Variants in SAMD12 observed in about 807,000 individuals in gnomAD.
SAMD12 encodes the protein sterile alpha motif domain containing 12, also known as sterile alpha motif domain-containing protein 12.
A neutral mutation model predicts 15.0 loss-of-function variants in SAMD12; 9 were observed. The ratio of observed to expected loss-of-function variants is 0.60; its 90% confidence interval spans 0.36 to 1.05. The LOEUF is 1.05. Ranked by LOEUF, SAMD12 falls within the 50% of genes least tolerant of loss-of-function variation. The probability of loss-of-function intolerance (pLI) is 0.01; values close to 1 mark genes in which losing one functional copy is unlikely to be tolerated. For missense variants in SAMD12, 230 were observed against 234.2 expected (o/e 0.98, Z 0.12); for synonymous variants, 86 against 90.1 (o/e 0.96, Z 0.25).
In SAMD12 at chr8:118,559,749, G is replaced by T. The variant is rs192059118; in HGVS notation, c.192+20966C>A. Among the ~76,000 whole-genome samples, 597 of 152,214 alleles carry T rather than the reference G, an allele frequency of 3.9e-3. 3 individuals carry two copies. The highest frequency in any genetic ancestry group is 6.8e-3 in the Middle Eastern group (2 of 294). On this transcript the variant is annotated intron_variant, in intron 2 of 3. Transcript: ENST00000314727. Reference sequence around the variant, plus strand: ...GTGACATGCATAGAAAATCTAGTGTGTAACACTTACTGAATGGTTATACAA... The same window carrying T: ...GTGACATGCATAGAAAATCTAGTGTTTAACACTTACTGAATGGTTATACAA...
At chr8:118,463,860 CAGG>C (rs997365652) in intron 2 of SAMD12, among the ~76,000 whole-genome samples, 1 of 151,900 alleles carries the variant, frequency 6.6e-6, no homozygotes, top group Non-Finnish European at 1.5e-5. Context: ...CTGGGTTTGG[CAGG>C]AGGAGGAGGG....
exon 5 of SAMD12, chr8:118,197,149 G>A (rs1819588491): frequency 6.6e-6 from 1 of 152,600 alleles, no homozygotes; most frequent in Non-Finnish European, 1.5e-5. Flanking sequence ...TGTGCTGAAT[G>A]TGCTGATTCA....
At chr8:118,597,675 C>A (rs950430221) in intron 1 of SAMD12, among the ~76,000 whole-genome samples, 4 of 152,190 alleles carry the variant, frequency 2.6e-5, no homozygotes, top group Non-Finnish European at 4.4e-5. Flanking sequence ...CCAGGCATTT[C>A]ACCAGCCATA....
At chr8:118,155,191 A>G in the SAMD12 span, among the ~76,000 whole-genome samples, 1 of 152,166 alleles carries the variant, frequency 6.6e-6, no homozygotes, top group Non-Finnish European at 1.5e-5. Flanking sequence ...GTGTGGGTTC[A>G]ATCAAGCTGT....
chr8:118,244,688 A>G, intron 4 of SAMD12, among the ~76,000 whole-genome samples: 1 of 152,176 alleles, frequency 6.6e-6, no homozygotes, highest in South Asian at 2.1e-4. Flanking sequence ...TGAGCTCTAC[A>G]GGGTAGAATG....
chr8:118,177,492 C>T, the SAMD12 span, among the ~76,000 whole-genome samples: 4 of 152,040 alleles, frequency 2.6e-5, no homozygotes, highest in African/African-American at 9.7e-5. Context: ...AATTCTTGTG[C>T]CTCAGCCTCC....
downstream of SAMD12, among the ~76,000 whole-genome samples, chr8:118,187,836 G>A (rs11562715): frequency 1.3e-5 from 2 of 152,148 alleles, no homozygotes; most frequent in African/African-American, 4.8e-5. Context: ...TGCAGAGGTT[G>A]CTAGGCTCAG....
At chr8:118,536,306 T>C (rs1172917636) in intron 2 of SAMD12, among the ~76,000 whole-genome samples, 2 of 152,182 alleles carry the variant, frequency 1.3e-5, no homozygotes, top group Non-Finnish European at 2.9e-5. Context: ...CTTGCCTTTC[T>C]CCCTACCTGT....
intron 4 of SAMD12, among the ~76,000 whole-genome samples, chr8:118,353,459 A>T (rs1044628204): frequency 2.0e-5 from 3 of 151,952 alleles, no homozygotes; most frequent in Non-Finnish European, 4.4e-5. Flanking sequence ...GAAGAGACAG[A>T]AGAGAAATTC....
the SAMD12 span, among the ~76,000 whole-genome samples, chr8:118,143,501 C>T: frequency 2.6e-5 from 4 of 152,228 alleles, no homozygotes; most frequent in South Asian, 2.1e-4. Context: ...GTGTACTTTG[C>T]GCCACATCAC....
chr8:118,575,950 T>C (rs1827136795), intron 2 of SAMD12, among the ~76,000 whole-genome samples: 1 of 152,104 alleles, frequency 6.6e-6, no homozygotes, highest in African/African-American at 2.4e-5. Flanking sequence ...CATCAGAGCA[T>C]TTGGGAACAT....
chr8:118,164,015 C>T, the SAMD12 span, among the ~76,000 whole-genome samples: 1 of 152,162 alleles, frequency 6.6e-6, no homozygotes, highest in South Asian at 2.1e-4. Flanking sequence ...TCCAACTTTA[C>T]ACATGTGCTT....
intron 2 of SAMD12, among the ~76,000 whole-genome samples, chr8:118,449,884 AAG>A (rs1177594941): frequency 6.6e-6 from 1 of 152,010 alleles, no homozygotes; most frequent in East Asian, 1.9e-4. Context: ...ATACCAAATT[AAG>A]AGGGGCAAAG....
intron 3 of SAMD12, among the ~76,000 whole-genome samples, chr8:118,395,315 T>C (rs1820498577): frequency 6.6e-6 from 1 of 152,190 alleles, no homozygotes; most frequent in Non-Finnish European, 1.5e-5. Context: ...TCACGACTTA[T>C]GCTTGAAGGC....
intron 1 of SAMD12, among the ~76,000 whole-genome samples, chr8:118,594,709 T>C (rs1563603046): frequency 6.6e-6 from 1 of 152,092 alleles, no homozygotes; most frequent in Non-Finnish European, 1.5e-5. Context: ...GAATAAGACA[T>C]CTGAATTTTT....
At chr8:118,298,727 A>G (rs1283908626) in intron 4 of SAMD12, among the ~76,000 whole-genome samples, 2 of 152,232 alleles carry the variant, frequency 1.3e-5, no homozygotes, top group Non-Finnish European at 2.9e-5. Flanking sequence ...AATTGCAAGC[A>G]ACACTTGCTT....
At chr8:118,547,818 A>G (rs1422469409) in intron 2 of SAMD12, among the ~76,000 whole-genome samples, 1 of 152,242 alleles carries the variant, frequency 6.6e-6, no homozygotes, top group East Asian at 1.9e-4. Flanking sequence ...AGAAATAACC[A>G]CAGAAAACCA....
At chr8:118,615,465 C>G (rs1008245444) in intron 1 of SAMD12, among the ~76,000 whole-genome samples, 1 of 152,168 alleles carries the variant, frequency 6.6e-6, no homozygotes, top group Non-Finnish European at 1.5e-5. Flanking sequence ...CACTCCCCAC[C>G]ACATCTCGTA....
At chr8:118,469,340 T>C (rs1030946604) in intron 2 of SAMD12, among the ~76,000 whole-genome samples, 1 of 147,696 alleles carries the variant, frequency 6.8e-6, no homozygotes, top group Non-Finnish European at 1.5e-5. Flanking sequence ...TTGGAGAGTC[T>C]ATTTGCCTAG....
Sources: allele counts gnomAD v4.1 joint callset (sites outside exome capture counted in the v4.1 genomes callset), GRCh38; gene constraint gnomAD v4.1.1; transcripts MANE v1.5; gene names NCBI Gene and HGNC (gene_info 2026-07-23, HGNC 2026-07-21).